FARP1: variants seen among roughly 807,000 people sequenced by gnomAD.
The protein encoded by FARP1 is FERM, ARH/RhoGEF and pleckstrin domain protein 1.
In FARP1, 52 loss-of-function variants were observed where a neutral mutation model predicts 128.8. The ratio of observed to expected loss-of-function variants is 0.40; its 90% confidence interval spans 0.32 to 0.51. FARP1 has a LOEUF of 0.51. Among genes scored for constraint, FARP1 ranks in the 20% least tolerant of loss-of-function variants. The probability of loss-of-function intolerance (pLI) is 0.45; values close to 1 mark genes in which losing one functional copy is unlikely to be tolerated. For synonymous variants in FARP1, 580 were observed against 551.8 expected (o/e 1.05, Z -0.72); for missense variants, 1,333 against 1,367.9 (o/e 0.97, Z 0.40).
At chr13:98,429,120 ACAGAAAGT>A (rs1420230559) in intron 17 of FARP1, among the ~76,000 whole-genome samples, 1 of 152,194 alleles carries the variant, frequency 6.6e-6, no homozygotes, top group Non-Finnish European at 1.5e-5. Flanking sequence ...CTATTTCAAA[ACAGAAAGT>A]CATGAAATCA....
intron 2 of FARP1, among the ~76,000 whole-genome samples, chr13:98,335,855 CA>C (rs760481635): frequency 6.6e-6 from 1 of 152,138 alleles, no homozygotes; most frequent in Non-Finnish European, 1.5e-5. Flanking sequence ...GGGAGAAGGG[CA>C]CAAGGCCTTC....
intron 1 of FARP1, among the ~76,000 whole-genome samples, chr13:98,206,652 A>G (rs2139293399): frequency 6.6e-6 from 1 of 152,330 alleles, no homozygotes; most frequent in East Asian, 1.9e-4. Context: ...TTGCTTTTGG[A>G]TGAATTGCAA....
chr13:98,205,298 C>CT (rs1048233627), intron 1 of FARP1, among the ~76,000 whole-genome samples: 233 of 151,262 alleles, frequency 1.5e-3, no homozygotes, highest in African/African-American at 5.5e-3. Flanking sequence ...ATGCCTTAAG[C>CT]TTTTTTTTTC....
chr13:98,268,871 T>A (rs1219224209), intron 2 of FARP1, among the ~76,000 whole-genome samples: 13 of 151,922 alleles, frequency 8.6e-5, no homozygotes, highest in Non-Finnish European at 1.9e-4. Flanking sequence ...CACGCTCGGC[T>A]AATTTTTATT....
chr13:98,431,338 C>T, intron 18 of FARP1, 58 bp downstream of exon 18: 1 of 1,271,324 alleles, frequency 7.9e-7, no homozygotes, highest in East Asian at 2.6e-5. Flanking sequence ...GCCGGGTGCT[C>T]CCAGACTGAG....
chr13:98,256,873 T>G (rs1215301193), intron 2 of FARP1, among the ~76,000 whole-genome samples: 1 of 146,572 alleles, frequency 6.8e-6, no homozygotes, highest in Non-Finnish European at 1.5e-5. Context: ...CTACAGTTTT[T>G]TTTTTTTTTT....
chr13:98,367,332 A>G (rs938655790), intron 4 of FARP1, among the ~76,000 whole-genome samples: 40 of 152,268 alleles, frequency 2.6e-4, no homozygotes, highest in African/African-American at 9.1e-4. Flanking sequence ...AATTTTTAGT[A>G]CAGACAGGGT....
chr13:98,149,760 C>T (rs9556887), intron 1 of FARP1, among the ~76,000 whole-genome samples: 25,967 of 84,484 alleles, frequency 0.31, 4,012 homozygotes, highest in East Asian at 0.56. Context: ...TTTTTTGAGA[C>T]GGAGTCTTAC....
chr13:98,184,919 A>T (rs1407363229), intron 1 of FARP1, among the ~76,000 whole-genome samples: 1 of 152,184 alleles, frequency 6.6e-6, no homozygotes, highest in Non-Finnish European at 1.5e-5. Flanking sequence ...TCTCTTGAAA[A>T]ACAAAAACAA....
At chr13:98,240,784 G>A (rs528213715) in intron 2 of FARP1, among the ~76,000 whole-genome samples, 7 of 152,212 alleles carry the variant, frequency 4.6e-5, no homozygotes, top group Non-Finnish European at 1.0e-4. Context: ...GTGTTCTAGT[G>A]CGTTTTCATC....
intron 25 of FARP1, 37 bp from the exon 26 acceptor site, chr13:98,446,629 C>A (rs1225304259): frequency 6.2e-7 from 1 of 1,609,036 alleles, no homozygotes; most frequent in Non-Finnish European, 8.5e-7. Flanking sequence ...CAGAAGCTGA[C>A]CCCGAAAAGC....
In FARP1 at chr13:98,176,327, C is replaced by A; in HGVS notation, c.-24+32835C>A. ...TGCAGTTTCGCCATCAGTTCTTTGG[C>A]GGGGTTAAAGATGCCGCCGGTTGGC... is the stretch of plus-strand genomic sequence containing the variant. On this transcript the variant is annotated intron_variant, in intron 1 of 26. Coordinates refer to ENST00000319562, the MANE Select transcript of FARP1 (RefSeq NM_005766.4). This position sits in a 1 kb window ranked among gnomAD's most constrained non-coding sequence, Gnocchi z 6.2. 6.2e-7 allele frequency: 1 copy of A among 1,613,508 alleles called. No individual in the cohort carries two copies. Among genetic ancestry groups the A allele is most frequent in the Non-Finnish European group, 8.5e-7 (1 of 1,179,510 alleles).
intron 1 of FARP1, among the ~76,000 whole-genome samples, chr13:98,155,811 G>A (rs775970808): frequency 4.3e-4 from 65 of 152,272 alleles, no homozygotes; most frequent in Admixed American, 8.5e-4. Flanking sequence ...GAGCCACTGC[G>A]CCTGGCCCTG....
Position 98,313,906 on chromosome 13 carries a change from C to T in FARP1, c.172-29856C>T, listed in dbSNP as rs528797029. ...AGGAAAGACTAGACTTCGAGAAAAACCCACCACCTTGCAAGTCATCATCAT... is the reference window on the plus strand; with the variant it reads ...AGGAAAGACTAGACTTCGAGAAAAATCCACCACCTTGCAAGTCATCATCAT... On this transcript the variant is annotated intron_variant, in intron 2 of 26. Transcript: ENST00000319562. 7.1e-4 allele frequency among the ~76,000 whole-genome samples: 108 copies of T among 152,322 alleles called. No individual in the cohort carries two copies. The Middle Eastern group carries it at 0.037, about 53-fold the overall frequency.
chr13:98,308,029 CTCTCTTTTTTTTTT>C (rs1368532228), intron 2 of FARP1, among the ~76,000 whole-genome samples: 10 of 114,928 alleles, frequency 8.7e-5, no homozygotes, highest in African/African-American at 3.7e-4. Context: ...CCCCCACTCT[CTCTCTTTTTTTTTT>C]TTTTTTTTTT....
chr13:98,439,363 A>G (rs1892427965), intron 21 of FARP1, among the ~76,000 whole-genome samples, 167 bp downstream of exon 21: 2 of 152,024 alleles, frequency 1.3e-5, no homozygotes, highest in Non-Finnish European at 1.5e-5. Context: ...AGACCATACA[A>G]CCCTTTCACC....
chr13:98,270,671 TG>T (rs1450387020), intron 2 of FARP1, among the ~76,000 whole-genome samples: 2 of 152,322 alleles, frequency 1.3e-5, no homozygotes, highest in East Asian at 3.9e-4. Context: ...CAATGCAGGA[TG>T]GTGAATATTT....
chr13:98,185,755 T>G (rs1194294043), intron 1 of FARP1, among the ~76,000 whole-genome samples: 1 of 152,060 alleles, frequency 6.6e-6, no homozygotes, highest in African/African-American at 2.4e-5. Context: ...TGGAATGCAG[T>G]GGCACGATCT....
chr13:98,246,582 T>G (rs1883078281), intron 2 of FARP1, among the ~76,000 whole-genome samples: 1 of 151,974 alleles, frequency 6.6e-6, no homozygotes, highest in Non-Finnish European at 1.5e-5. Flanking sequence ...TTTGTGAGTG[T>G]TGTGTGTGTG....
Sources: gnomAD v4.1 joint callset for allele counts (sites outside exome capture counted in the v4.1 genomes callset) on GRCh38, gnomAD v4.1.1 for gene constraint, Gnocchi (gnomAD v3.1) non-coding constraint, MANE v1.5 for transcripts, NCBI Gene and HGNC (gene_info 2026-07-23, HGNC 2026-07-21) for gene names.